Variants in RELCH observed in about 807,000 individuals in gnomAD.
RELCH encodes the protein RAB11-binding protein RELCH.
Under a neutral mutation model 150.3 loss-of-function variants are expected in RELCH, and 41 were observed. The ratio of observed to expected loss-of-function variants is 0.27; its 90% CI spans 0.21 to 0.35. The LOEUF (loss-of-function observed/expected upper bound fraction) is 0.35. Ranked by LOEUF, RELCH falls within the 10% of genes least tolerant of loss-of-function variation. The pLI is 1.00. For missense variants in RELCH, 1,092 were observed against 1,467.8 expected (o/e 0.74, Z 4.18); for synonymous variants, 478 against 531.8 (o/e 0.90, Z 1.39).
chr18:62,222,905 A>T (rs1231788355), intron 5 of RELCH, among the ~76,000 whole-genome samples: 1 of 146,782 alleles, frequency 6.8e-6, no homozygotes, highest in African/African-American at 2.5e-5. Flanking sequence ...AAAAAAGAAA[A>T]GGGAAATTAT....
intron 20 of RELCH, among the ~76,000 whole-genome samples, chr18:62,270,103 AG>A (rs2043809821): frequency 6.6e-6 from 1 of 152,134 alleles, no homozygotes; most frequent in Non-Finnish European, 1.5e-5. Context: ...TTAGCTGAAG[AG>A]GTCTCTACAT....
At chr18:62,297,653 C>A (rs1342032808) in intron 27 of RELCH, among the ~76,000 whole-genome samples, 1 of 152,156 alleles carries the variant, frequency 6.6e-6, no homozygotes, top group Non-Finnish European at 1.5e-5. Context: ...GAATAATCCC[C>A]AAAGTCCTTA....
intron 26 of RELCH, among the ~76,000 whole-genome samples, chr18:62,288,120 G>T (rs985149785): frequency 1.3e-5 from 2 of 152,114 alleles, no homozygotes; most frequent in African/African-American, 4.8e-5. Context: ...ACTATCCTAT[G>T]CCTATAAAAT....
chr18:62,211,772 AAT>A (rs2040185887), intron 2 of RELCH, among the ~76,000 whole-genome samples: 2 of 152,050 alleles, frequency 1.3e-5, no homozygotes, highest in African/African-American at 4.8e-5. Flanking sequence ...ATTAAAAAAA[AAT>A]AAATAAGCAA....
rs539776924 is a variant in RELCH at position 62,259,057 on chromosome 18, TTGCTTTAACTGTGG to T, written c.2202+383_2202+396del. On this transcript the variant is annotated intron_variant, in intron 15 of 28. Transcript: ENST00000644646. ...AAAGCTTTCTTACATAGTGTCAAAA[TTGCTTTAACTGTGG>T]TTATTCCACTCCAGTAGTTCATTTC... 3.5e-3 allele frequency among the ~76,000 whole-genome samples: 539 copies of T among 152,148 alleles called. 1 individual carries two copies. Among genetic ancestry groups the T allele is most frequent in the African/African-American group, 0.013 (521 of 41,564 alleles).
intron 19 of RELCH, among the ~76,000 whole-genome samples, 178 bp downstream of exon 19, chr18:62,266,927 G>A (rs1028707386): frequency 2.6e-5 from 4 of 151,834 alleles, no homozygotes; most frequent in Non-Finnish European, 5.9e-5. Context: ...CTTCCCATTA[G>A]TGGCAGTGAG....
intron 27 of RELCH, among the ~76,000 whole-genome samples, chr18:62,293,996 CT>C (rs569852152): frequency 0.012 from 1,827 of 152,140 alleles, 12 homozygotes; most frequent in Non-Finnish European, 0.019. Context: ...ATATGATTTG[CT>C]TTTTTCACTC....
intron 23 of RELCH, among the ~76,000 whole-genome samples, chr18:62,280,169 C>T (rs1357644815): frequency 6.6e-6 from 1 of 152,082 alleles, no homozygotes; most frequent in African/African-American, 2.4e-5. Context: ...GGATGCTCTC[C>T]TAATCTCACT....
In RELCH at chr18:62,308,528, T is replaced by A; in HGVS notation, c.*2994T>A. ...TGAGGTCAGTAGTTCAAGACCAGCC[T>A]GGCCAACGTGGTGAAACCCCGCCTC... On this transcript the variant is annotated 3_prime_UTR_variant, in exon 29 of 29. Transcript: ENST00000644646. The A allele has an allele frequency of 6.6e-6, 1 of 152,172 alleles. No homozygotes were observed. Among genetic ancestry groups the A allele is most frequent in the Non-Finnish European group, 1.5e-5 (1 of 68,010 alleles). The allele number at this position is 152,172 out of a possible 1,614,324, so 9.4% of individuals were successfully genotyped here.
At position 62,307,473 on chromosome 18, in the gene RELCH, A is replaced by G. The variant is rs561580918; in HGVS notation, c.*1939A>G. 1 of 152,280 alleles carries G rather than the reference A, an allele frequency of 6.6e-6. No homozygotes were observed. The highest frequency in any genetic ancestry group is 1.5e-5 in the Non-Finnish European group (1 of 68,002). The allele number at this position is 152,280 out of a possible 1,614,324, so 9.4% of individuals were successfully genotyped here. A position where few individuals can be genotyped will look rare whatever the true frequency, so the allele number is the denominator to read the frequency against. The stretch of plus-strand genomic sequence containing the variant: ...AAGTGCTAATGTTTTTTTAAAGGCA[A>G]TAGTAGGCAAGATTCACAGTGTATT... On this transcript the variant is annotated 3_prime_UTR_variant, in exon 29 of 29. Coordinates refer to ENST00000644646, the MANE Select transcript of RELCH (RefSeq NM_001346231.2).
rs1464266890 is a variant in RELCH, at chr18:62,279,830, C to G, written c.3024C>G (p.Leu1008=). 2.6e-6 allele frequency: 4 copies of G among 1,535,404 alleles called. No individual in the cohort carries two copies. In the African/African-American group the frequency reaches 5.5e-5, roughly 21 times the overall value. The change falls in exon 23 of 29, where the codon CTC becomes CTG. Residue 1008 remains leucine (L), a synonymous_variant. Transcript: ENST00000644646. The part of the protein sequence containing the change: ...TLVAQRVVPA[L]ITLSSDPEIS... ...TAGCTCAGAGGGTTGTTCCTGCTCT[C>G]ATTACTCTCTCCAGTGACCCTGAAA...
intron 11 of RELCH, among the ~76,000 whole-genome samples, chr18:62,251,089 A>C (rs1200916860): frequency 6.6e-6 from 1 of 152,226 alleles, no homozygotes; most frequent in African/African-American, 2.4e-5. Flanking sequence ...TTAGTTACAA[A>C]TCTATCAATT....
chr18:62,308,269 T>A lies in RELCH; in HGVS notation c.*2735T>A, dbSNP rs1037248891. On this transcript the variant is annotated 3_prime_UTR_variant, in exon 29 of 29. Coordinates refer to ENST00000644646, the MANE Select transcript of RELCH (RefSeq NM_001346231.2). ...TATTTGAACTCCAAGGATGTAACTTTCTGTAGTTACTACCCTGCTGATCTT... is the reference window on the plus strand; with the variant it reads ...TATTTGAACTCCAAGGATGTAACTTACTGTAGTTACTACCCTGCTGATCTT... 2.0e-5 allele frequency: 3 copies of A among 152,242 alleles called. No individual in the cohort carries two copies. The highest frequency in any genetic ancestry group is 2.0e-4 in the Admixed American group (3 of 15,282). 9.4% of individuals were successfully genotyped at this position (152,242 alleles called of 1,614,324 possible). A position where few individuals can be genotyped will look rare whatever the true frequency, so the allele number is the denominator to read the frequency against.
At position 62,221,469 on chromosome 18, in the gene RELCH, T is replaced by TA; in HGVS notation, c.832dup (p.Thr278AsnfsTer5). 6.5e-7 allele frequency: 1 copy of TA among 1,531,754 alleles called. No individual in the cohort carries two copies. Among genetic ancestry groups the TA allele is most frequent in the Non-Finnish European group, 8.9e-7 (1 of 1,123,938 alleles). 94.9% of individuals were successfully genotyped at this position (1,531,754 alleles called of 1,614,324 possible). On this transcript the variant is annotated frameshift_variant, in exon 5 of 29. Coordinates refer to ENST00000644646, the MANE Select transcript of RELCH (RefSeq NM_001346231.2). LOFTEE classifies it high-confidence loss of function. ...AAGAATAACTATAAGCTTACATCAA[T>TA]AACCTTTTCAGATGAAAACGATGAT...
chr18:62,269,999 C>G (rs1568410914), intron 20 of RELCH, among the ~76,000 whole-genome samples: 1 of 152,162 alleles, frequency 6.6e-6, no homozygotes, highest in South Asian at 2.1e-4. Flanking sequence ...ATAACTGTTT[C>G]ATTTGCTCAT....
At chr18:62,282,114 CA>C (rs1448610131) in intron 24 of RELCH, among the ~76,000 whole-genome samples, 191 bp from the exon 25 acceptor site, 1 of 152,060 alleles carries the variant, frequency 6.6e-6, no homozygotes, top group East Asian at 1.9e-4. Flanking sequence ...TAAGCATAAG[CA>C]AAAGTAGGAA....
At chr18:62,250,909 G>A (rs990925578) in intron 11 of RELCH, among the ~76,000 whole-genome samples, 1 of 152,112 alleles carries the variant, frequency 6.6e-6, no homozygotes, top group African/African-American at 2.4e-5. Context: ...CTTGAAGTTG[G>A]CTACTTTAAA....
intron 1 of RELCH, among the ~76,000 whole-genome samples, chr18:62,190,175 A>G (rs968722056): frequency 3.3e-5 from 5 of 152,254 alleles, no homozygotes; most frequent in Admixed American, 2.0e-4. Context: ...TACAGGCACT[A>G]TACTTTTTAG....
rs1439818064 is a variant in RELCH at position 62,228,545 on chromosome 18, G to A, written c.1395G>A (p.Met465Ile). The change falls in exon 8 of 29, where the codon ATG (methionine) becomes ATA (isoleucine). Residue 465 changes from methionine (M) to isoleucine (I), a missense_variant. By Grantham distance (10) the Met-to-Ile change is conservative. This residue lies in a region of RELCH where 707 missense variants were observed against 1,025.4 expected (regional missense o/e 0.69). Transcript: ENST00000644646. ...NSFPRREREG[M>I]PPSSLSSKKT... Reference sequence around the variant, plus strand: ...TCCCCAGGAGAGAAAGAGAAGGAATGCCACCTTCTTCTCTATCAAGTAAAA... The same window carrying A: ...TCCCCAGGAGAGAAAGAGAAGGAATACCACCTTCTTCTCTATCAAGTAAAA... 9.9e-6 allele frequency: 16 copies of A among 1,612,362 alleles called. No individual in the cohort carries two copies. The highest frequency in any genetic ancestry group is 1.3e-5 in the African/African-American group (1 of 74,820).
Sources: allele counts gnomAD v4.1 joint callset (sites outside exome capture counted in the v4.1 genomes callset), GRCh38; gene constraint gnomAD v4.1.1; regional missense constraint gnomAD v4.1.1; transcripts MANE v1.5; gene names NCBI Gene and HGNC (gene_info 2026-07-23, HGNC 2026-07-21).